EYS: variants seen among roughly 807,000 people sequenced by gnomAD.
The protein encoded by EYS is EGF-like photoreceptor maintenance factor, also known as protein eyes shut homolog.
A neutral mutation model predicts 282.1 loss-of-function variants in EYS; 250 were observed. The observed-to-expected ratio is 0.89, with a 90% CI of 0.80 to 0.98. The LOEUF (loss-of-function observed/expected upper bound fraction) is 0.98. EYS is among the 50% of genes least tolerant of loss of function. The pLI is 0.00. For synonymous variants in EYS, 1,355 were observed against 1,282.9 expected, an observed-to-expected ratio of 1.06 and a Z score of -1.20; for missense variants, 4,016 against 3,709.0, an observed-to-expected ratio of 1.08 and a Z score of -2.15.
At chr6:64,367,538 A>G (rs1446300530) in intron 29 of EYS, among the ~76,000 whole-genome samples, 1 of 152,028 alleles carries the variant, frequency 6.6e-6, no homozygotes, top group Non-Finnish European at 1.5e-5. Context: ...GAGTGTGTCT[A>G]AGAGCCACTC....
intron 12 of EYS, among the ~76,000 whole-genome samples, chr6:65,172,000 T>C (rs1765115912): frequency 2.0e-5 from 3 of 151,454 alleles, no homozygotes; most frequent in African/African-American, 7.3e-5. Context: ...TAGGAAAATA[T>C]ATGATCATGG....
At chr6:65,440,698 C>G (rs940182314) in intron 5 of EYS, among the ~76,000 whole-genome samples, 4 of 151,324 alleles carry the variant, frequency 2.6e-5, no homozygotes, top group Admixed American at 2.0e-4. Flanking sequence ...TACTTCTACA[C>G]TGGAAGGTGT....
chr6:65,522,060 T>A (rs1767394259), intron 2 of EYS, among the ~76,000 whole-genome samples: 1 of 152,152 alleles, frequency 6.6e-6, no homozygotes. Context: ...TACAATTCTA[T>A]CAAATCTTGG....
intron 19 of EYS, among the ~76,000 whole-genome samples, chr6:64,838,409 G>C (rs1365254068): frequency 6.6e-6 from 1 of 151,912 alleles, no homozygotes; most frequent in Non-Finnish European, 1.5e-5. Flanking sequence ...AGCATTTCAA[G>C]TGGTATCTGG....
rs188121775 is a variant in EYS at position 64,221,618 on chromosome 6, C to T, written c.6424+8974G>A. Among the ~76,000 whole-genome samples the T allele has an allele frequency of 1.2e-3, 185 of 152,186 alleles. 1 individual carries two copies. Among genetic ancestry groups the T allele is most frequent in the East Asian group, 5.4e-3 (28 of 5,186 alleles). On this transcript the variant is annotated intron_variant, in intron 31 of 42. Coordinates refer to ENST00000503581, the MANE Select transcript of EYS (RefSeq NM_001142800.2). Reference sequence around the variant, plus strand: ...TCCTTATTTTCTGTTTTGCTTTCCTCAGTTTCAGTTACTCCATGGGCAAAT... The same window carrying T: ...TCCTTATTTTCTGTTTTGCTTTCCTTAGTTTCAGTTACTCCATGGGCAAAT...
chr6:65,595,182 A>G (rs947688909), intron 2 of EYS, among the ~76,000 whole-genome samples: 4 of 152,098 alleles, frequency 2.6e-5, no homozygotes, highest in Admixed American at 6.6e-5. Context: ...ACATGGATGA[A>G]GCTGGAAACC....
chr6:65,073,775 T>TTA (rs2150167394), intron 12 of EYS, among the ~76,000 whole-genome samples: 1 of 152,078 alleles, frequency 6.6e-6, no homozygotes, highest in South Asian at 2.1e-4. Context: ...AAGTGTAAGA[T>TTA]TATATAATGC....
At chr6:64,810,134 T>G (rs1159771670) in intron 22 of EYS, among the ~76,000 whole-genome samples, 1 of 151,916 alleles carries the variant, frequency 6.6e-6, no homozygotes, top group Non-Finnish European at 1.5e-5. Context: ...TAGAATAATT[T>G]TAAAAATTCC....
At chr6:64,558,379 A>T (rs900231587) in intron 26 of EYS, among the ~76,000 whole-genome samples, 12 of 152,114 alleles carry the variant, frequency 7.9e-5, no homozygotes, top group Admixed American at 6.6e-4. Context: ...TGCTACTGGC[A>T]TCTAGAGCAA....
intron 30 of EYS, among the ~76,000 whole-genome samples, chr6:64,261,601 T>C (rs1767593148): frequency 6.6e-6 from 1 of 152,096 alleles, no homozygotes; most frequent in Admixed American, 6.6e-5. Flanking sequence ...TTCTCTTCTC[T>C]GTTAACTTAA....
At chr6:63,939,241 C>A (rs1765162233) in intron 35 of EYS, among the ~76,000 whole-genome samples, 1 of 151,624 alleles carries the variant, frequency 6.6e-6, no homozygotes, top group Non-Finnish European at 1.5e-5. Context: ...CAAAGTTACA[C>A]TTTAAGGGGT....
At chr6:65,587,465 T>G (rs1192570058) in intron 2 of EYS, among the ~76,000 whole-genome samples, 1 of 152,088 alleles carries the variant, frequency 6.6e-6, no homozygotes, top group African/African-American at 2.4e-5. Context: ...TGTAAGGGGC[T>G]TCCCCCTTCC....
intron 1 of EYS, among the ~76,000 whole-genome samples, chr6:65,691,514 T>C (rs1769243013): frequency 6.7e-6 from 1 of 149,824 alleles, no homozygotes; most frequent in Non-Finnish European, 1.5e-5. Flanking sequence ...TGCAAAAATA[T>C]TCTCCCATTC....
At chr6:63,841,715 CCAT>C (rs1390743954) in intron 36 of EYS, among the ~76,000 whole-genome samples, 5 of 152,032 alleles carry the variant, frequency 3.3e-5, no homozygotes, top group African/African-American at 4.8e-5. Context: ...ACCCATCAAC[CCAT>C]CATCTATATT....
chr6:64,808,529 C>T (rs1764503631), intron 22 of EYS, among the ~76,000 whole-genome samples: 1 of 151,900 alleles, frequency 6.6e-6, no homozygotes, highest in African/African-American at 2.4e-5. Flanking sequence ...AAAATAAATT[C>T]CTAACAGGTT....
At chr6:65,496,798 C>G (rs1766273253) in intron 2 of EYS, among the ~76,000 whole-genome samples, 2 of 151,996 alleles carry the variant, frequency 1.3e-5, no homozygotes, top group Admixed American at 1.3e-4. Context: ...TTCTACTGTA[C>G]TATAAAGATC....
chr6:65,440,986 C>A (rs28461873), intron 5 of EYS, among the ~76,000 whole-genome samples: 3 of 141,054 alleles, frequency 2.1e-5, no homozygotes, highest in Admixed American at 7.5e-5. Flanking sequence ...ATATATATAT[C>A]TATATATATT....
Position 64,384,366 on chromosome 6 carries a change from A to G in EYS, c.6078+4324T>C, listed in dbSNP as rs189004764. Among the ~76,000 whole-genome samples, 202 of 152,302 alleles carry G rather than the reference A, an allele frequency of 1.3e-3. 1 individual carries two copies. Among genetic ancestry groups the G allele is most frequent in the African/African-American group, 4.4e-3 (182 of 41,580 alleles). ...TTTACATTTTTGGAGTCGGTCACTA[A>G]TTCTTCAAAAATTCCAGTCAAATAT... is the stretch of plus-strand genomic sequence containing the variant. On this transcript the variant is annotated intron_variant, in intron 29 of 42. Coordinates refer to ENST00000503581, the MANE Select transcript of EYS (RefSeq NM_001142800.2).
chr6:64,736,151 A>T (rs539278835), intron 22 of EYS, among the ~76,000 whole-genome samples: 1 of 152,202 alleles, frequency 6.6e-6, no homozygotes, highest in African/African-American at 2.4e-5. Context: ...AAAATATAAC[A>T]ATTTAAATTT....
Sources: gnomAD v4.1 joint callset for allele counts (sites outside exome capture counted in the v4.1 genomes callset) on GRCh38, gnomAD v4.1.1 for gene constraint, MANE v1.5 for transcripts, NCBI Gene and HGNC (gene_info 2026-07-23, HGNC 2026-07-21) for gene names.